CSMD1: variants seen among roughly 807,000 people sequenced by gnomAD.
CSMD1 encodes CUB and sushi domain-containing protein 1.
A neutral mutation model predicts 417.5 loss-of-function variants in CSMD1; 213 were observed. The observed-to-expected ratio is 0.51, with a 90% CI of 0.46 to 0.57. The LOEUF (loss-of-function observed/expected upper bound fraction) is 0.57, where lower values mean the gene tolerates loss of function less well. Ranked by LOEUF, CSMD1 falls within the 20% of genes least tolerant of loss-of-function variation. CSMD1 has a pLI of 0.00. For synonymous variants in CSMD1, 2,862 were observed against 1,736.8 expected, an observed-to-expected ratio of 1.65 and a Z score of -16.11; for missense variants, 6,923 against 4,529.7, an observed-to-expected ratio of 1.53 and a Z score of -15.17.
rs186932325 is a variant in CSMD1, at chr8:4,842,015, G to C, written c.85+152317C>G. Among the ~76,000 whole-genome samples the C allele has an allele frequency of 1.6e-3, 233 of 147,386 alleles. 2 individuals are homozygous for C. Among genetic ancestry groups the C allele is most frequent in the African/African-American group, 5.7e-3 (228 of 40,132 alleles). On this transcript the variant is annotated intron_variant, in intron 1 of 69. Transcript: ENST00000635120. ...ATTGATAGGGAAACCCTAGAAAAAAGCAATTTTTCAAGGGAGCTGAGAGAG... is the reference window on the plus strand; with the variant it reads ...ATTGATAGGGAAACCCTAGAAAAAACCAATTTTTCAAGGGAGCTGAGAGAG...
chr8:4,347,591 T>A, intron 3 of CSMD1, among the ~76,000 whole-genome samples: 1 of 152,122 alleles, frequency 6.6e-6, no homozygotes, highest in East Asian at 1.9e-4. Flanking sequence ...CCAAAGAGAA[T>A]GTAGATATTG....
intron 1 of CSMD1, among the ~76,000 whole-genome samples, chr8:4,657,277 T>TA (rs1420680328): frequency 2.6e-5 from 4 of 152,300 alleles, no homozygotes; most frequent in Non-Finnish European, 5.9e-5. Flanking sequence ...GGCAGAGTTG[T>TA]AAAAAGCCTG....
At chr8:3,804,279 G>A (rs1485595661) in intron 5 of CSMD1, among the ~76,000 whole-genome samples, 3 of 152,084 alleles carry the variant, frequency 2.0e-5, no homozygotes, top group African/African-American at 4.8e-5. Context: ...ACTTGCAGGT[G>A]CAGAATACTA....
intron 4 of CSMD1, among the ~76,000 whole-genome samples, chr8:4,009,043 A>G (rs1463699725): frequency 6.6e-6 from 1 of 152,146 alleles, no homozygotes. Context: ...TTTTAAAAAT[A>G]TTTTTCCTTT....
chr8:3,394,012 TTA>T (rs1175905929), intron 17 of CSMD1, among the ~76,000 whole-genome samples: 332 of 31,548 alleles, frequency 0.011, no homozygotes, highest in Non-Finnish European at 0.015. Context: ...AAAAAATAAA[TTA>T]TATATATATA....
intron 15 of CSMD1, among the ~76,000 whole-genome samples, chr8:3,403,068 G>A: frequency 6.6e-6 from 1 of 151,994 alleles, no homozygotes; most frequent in East Asian, 1.9e-4. Context: ...ACATTTGCTT[G>A]TAGTTCTATT....
Position 3,545,828 on chromosome 8 carries a change from G to C in CSMD1, c.1344+29117C>G, listed in dbSNP as rs567870758. Among the ~76,000 whole-genome samples, 195 of 152,222 alleles carry C rather than the reference G, an allele frequency of 1.3e-3. 1 individual carries two copies. The highest frequency in any genetic ancestry group is 2.1e-3 in the Non-Finnish European group (140 of 68,046). On this transcript the variant is annotated intron_variant, in intron 10 of 69. Coordinates refer to ENST00000635120, the MANE Select transcript of CSMD1 (RefSeq NM_033225.6). ...AAAGGCTCAGGAAGCAAGTTATTTA[G>C]TAGCAGAGTCTATTGGCCACAAAAA...
At chr8:3,329,860 G>A (rs1251376587) in intron 23 of CSMD1, among the ~76,000 whole-genome samples, 1 of 152,158 alleles carries the variant, frequency 6.6e-6, no homozygotes, top group African/African-American at 2.4e-5. Flanking sequence ...AGTGCCTATG[G>A]CCCACAGTCT....
intron 3 of CSMD1, among the ~76,000 whole-genome samples, chr8:4,133,893 T>C (rs1037836711): frequency 2.6e-5 from 4 of 152,198 alleles, no homozygotes; most frequent in African/African-American, 9.6e-5. Context: ...ATAAGAAATC[T>C]TGTAAACATA....
At chr8:3,147,719 A>T (rs1818927344) in intron 40 of CSMD1, among the ~76,000 whole-genome samples, 1 of 152,224 alleles carries the variant, frequency 6.6e-6, no homozygotes. Context: ...GTCTAAGGCA[A>T]TCAAGTTTCC....
At chr8:3,520,837 C>A (rs1411007313) in intron 10 of CSMD1, among the ~76,000 whole-genome samples, 1 of 152,162 alleles carries the variant, frequency 6.6e-6, no homozygotes, top group Non-Finnish European at 1.5e-5. Flanking sequence ...ACCTCAAATA[C>A]AACCTCTCCC....
intron 3 of CSMD1, among the ~76,000 whole-genome samples, chr8:4,299,461 C>T (rs985009515): frequency 1.3e-5 from 2 of 152,134 alleles, no homozygotes; most frequent in Admixed American, 1.3e-4. Context: ...GTAATTGGTT[C>T]TTTAATTCAA....
rs73660856 is a variant in CSMD1 at position 4,453,686 on chromosome 8, C to T, written c.303-33621G>A. The stretch of plus-strand genomic sequence containing the variant: ...CCTGCAGGTCCCGCAGTCTACAGAC[C>T]ATGCCTGCTTGGGTATGCACAGGCA... On this transcript the variant is annotated intron_variant, in intron 2 of 69. Coordinates refer to ENST00000635120, the MANE Select transcript of CSMD1 (RefSeq NM_033225.6). Among the ~76,000 whole-genome samples, 484 of 152,140 alleles carry T rather than the reference C, an allele frequency of 3.2e-3. 3 individuals carry two copies. Among genetic ancestry groups the T allele is most frequent in the African/African-American group, 0.011 (462 of 41,482 alleles).
intron 5 of CSMD1, among the ~76,000 whole-genome samples, chr8:3,911,597 T>G (rs1414386920): frequency 6.6e-6 from 1 of 151,966 alleles, no homozygotes; most frequent in East Asian, 1.9e-4. Context: ...TCTTTATATT[T>G]CCAGTTTCTC....
intron 3 of CSMD1, among the ~76,000 whole-genome samples, chr8:4,329,424 G>A (rs905549939): frequency 1.3e-5 from 2 of 152,030 alleles, no homozygotes; most frequent in Admixed American, 6.6e-5. Context: ...GGGTAGCTGG[G>A]ACTACAGGCA....
chr8:3,502,132 A>C (rs866453843), intron 10 of CSMD1, among the ~76,000 whole-genome samples: 3 of 152,162 alleles, frequency 2.0e-5, no homozygotes, highest in South Asian at 2.1e-4. Context: ...TGGAAGGCTG[A>C]GGCTGGCAGA....
chr8:4,143,902 T>C (rs1285965441), intron 3 of CSMD1, among the ~76,000 whole-genome samples: 1 of 151,120 alleles, frequency 6.6e-6, no homozygotes, highest in African/African-American at 2.5e-5. Context: ...CCCTGGCTAA[T>C]TAAAGGCTGG....
Position 3,251,055 on chromosome 8 carries a change from C to G in CSMD1, c.4154-20824G>C, listed in dbSNP as rs186141435. 4.6e-3 allele frequency among the ~76,000 whole-genome samples: 694 copies of G among 152,270 alleles called. 11 individuals are homozygous for G. The highest frequency in any genetic ancestry group is 0.016 in the African/African-American group (667 of 41,558). On this transcript the variant is annotated intron_variant, in intron 26 of 69. Coordinates refer to ENST00000635120, the MANE Select transcript of CSMD1 (RefSeq NM_033225.6). ...GGTAGTTTCTTTTGCTGTGCAGAAG[C>G]TCTTTAGTTTAATTAGATCCCGTTT... is the stretch of plus-strand genomic sequence containing the variant.
intron 5 of CSMD1, among the ~76,000 whole-genome samples, chr8:3,767,291 T>G (rs982094430): frequency 7.9e-5 from 12 of 152,240 alleles, no homozygotes; most frequent in African/African-American, 2.7e-4. Flanking sequence ...CTGCACACTC[T>G]GCAATGGTGT....
Sources: allele counts gnomAD v4.1 joint callset (sites outside exome capture counted in the v4.1 genomes callset), GRCh38; gene constraint gnomAD v4.1.1; transcripts MANE v1.5; gene names NCBI Gene and HGNC (gene_info 2026-07-23, HGNC 2026-07-21).